Variants in SBF2 observed in about 807,000 individuals in gnomAD.
The protein encoded by SBF2 is SET binding factor 2.
SBF2 carries 112 observed loss-of-function variants against 225.2 expected under a neutral mutation model. The observed-to-expected ratio is 0.50, with a 90% CI of 0.43 to 0.58. SBF2 has a LOEUF of 0.58. Among genes scored for constraint, SBF2 ranks in the 20% least tolerant of loss-of-function variants. The pLI is 0.00. For missense variants in SBF2, 1,996 were observed against 2,206.2 expected, an observed-to-expected ratio of 0.90 and a Z score of 1.91; for synonymous variants, 763 against 773.3, an observed-to-expected ratio of 0.99 and a Z score of 0.22.
chr11:9,867,434 G>A (rs555843724), intron 17 of SBF2, among the ~76,000 whole-genome samples: 13 of 152,310 alleles, frequency 8.5e-5, no homozygotes, highest in Non-Finnish European at 1.8e-4. Context: ...CTTGTACACT[G>A]CTGATGGGAA....
chr11:9,965,902 T>C (rs1866877053), intron 14 of SBF2, among the ~76,000 whole-genome samples: 1 of 152,196 alleles, frequency 6.6e-6, no homozygotes, highest in African/African-American at 2.4e-5. Flanking sequence ...CACACATAGG[T>C]TGGTGGCATT....
intron 33 of SBF2, among the ~76,000 whole-genome samples, chr11:9,793,418 C>T (rs191270728): frequency 3.3e-5 from 5 of 152,010 alleles, no homozygotes; most frequent in Non-Finnish European, 7.4e-5. Flanking sequence ...GAGACAGGGT[C>T]TCACTCTGTC....
At chr11:10,085,494 T>C (rs557339196) in intron 2 of SBF2, among the ~76,000 whole-genome samples, 79 of 152,340 alleles carry the variant, frequency 5.2e-4, no homozygotes, top group African/African-American at 1.2e-3. Flanking sequence ...AAGTTTCTAA[T>C]TGGATTCTCT....
intron 13 of SBF2, among the ~76,000 whole-genome samples, chr11:9,988,843 G>A (rs1947300550): frequency 6.6e-6 from 1 of 152,146 alleles, no homozygotes; most frequent in South Asian, 2.1e-4. Context: ...AAATGATGTG[G>A]AGATTCCTTA....
intron 17 of SBF2, among the ~76,000 whole-genome samples, chr11:9,871,058 A>G (rs1310489371): frequency 6.6e-6 from 1 of 152,158 alleles, no homozygotes; most frequent in Non-Finnish European, 1.5e-5. Context: ...GAGAAAATCT[A>G]GGCAATACTT....
chr11:9,805,266 T>C (rs1280067912), intron 32 of SBF2, among the ~76,000 whole-genome samples: 2 of 151,272 alleles, frequency 1.3e-5, no homozygotes, highest in African/African-American at 4.9e-5. Flanking sequence ...AAAAATTATA[T>C]ACATGGAATC....
chr11:10,076,248 C>T (rs1350806536), intron 2 of SBF2, among the ~76,000 whole-genome samples: 1 of 152,140 alleles, frequency 6.6e-6, no homozygotes, highest in African/African-American at 2.4e-5. Flanking sequence ...AACAGGGAGA[C>T]TGTAAGAAGG....
intron 2 of SBF2, among the ~76,000 whole-genome samples, chr11:10,082,618 C>A (rs991387865): frequency 8.6e-5 from 13 of 151,900 alleles, no homozygotes; most frequent in African/African-American, 3.1e-4. Flanking sequence ...TAGATAAACA[C>A]AATTAAAAAC....
chr11:9,927,699 A>T (rs1864161068), intron 16 of SBF2, among the ~76,000 whole-genome samples: 1 of 152,218 alleles, frequency 6.6e-6, no homozygotes, highest in Admixed American at 6.5e-5. Context: ...ACCTTAAAAG[A>T]TACGGAAAAA....
chr11:9,919,033 C>A (rs1863360904), intron 16 of SBF2, among the ~76,000 whole-genome samples: 1 of 152,122 alleles, frequency 6.6e-6, no homozygotes, highest in Non-Finnish European at 1.5e-5. Flanking sequence ...TGAGCCACTG[C>A]ATCTGGCTTT....
rs556186976 is a variant in SBF2 at position 10,223,472 on chromosome 11, A to G, written c.56-29485T>C. Among the ~76,000 whole-genome samples, 21 of 141,854 alleles carry G rather than the reference A, an allele frequency of 1.5e-4. No homozygotes were observed. In the East Asian group the frequency reaches 4.0e-3, roughly 27 times the overall value. 93.1% of individuals were successfully genotyped at this position (141,854 alleles called of 152,430 possible). On this transcript the variant is annotated intron_variant, in intron 1 of 39. Coordinates refer to ENST00000256190, the MANE Select transcript of SBF2 (RefSeq NM_030962.4). ...TTCTTACAATAAAGTAAGCTACAGA[A>G]AAGAAAACGTTTTAAAATCATAAGG...
chr11:10,224,337 T>C (rs965943920), intron 1 of SBF2, among the ~76,000 whole-genome samples: 5 of 152,150 alleles, frequency 3.3e-5, no homozygotes, highest in African/African-American at 1.2e-4. Context: ...GCTTTTACAC[T>C]AGATCCAGCC....
chr11:9,983,994 C>A (rs1236353022), intron 13 of SBF2, among the ~76,000 whole-genome samples: 1 of 152,166 alleles, frequency 6.6e-6, no homozygotes, highest in Non-Finnish European at 1.5e-5. Flanking sequence ...AGAAAACCAA[C>A]CCTGGTAATA....
intron 1 of SBF2, among the ~76,000 whole-genome samples, chr11:10,285,720 T>A (rs768674127): frequency 3.7e-4 from 56 of 152,190 alleles, no homozygotes; most frequent in Non-Finnish European, 6.0e-4. Flanking sequence ...TCAAGCCCAT[T>A]CCCACCCTGT....
chr11:9,993,250 GA>G (rs1565105402), intron 10 of SBF2, 147 bp from the exon 11 acceptor site: 1 of 640,190 alleles, frequency 1.6e-6, no homozygotes, highest in Non-Finnish European at 2.7e-6. Flanking sequence ...AACATAAGAA[GA>G]AAAAACTCTC....
Position 9,917,222 on chromosome 11 carries a change from T to C in SBF2, c.1861-21211A>G, listed in dbSNP as rs1406199920. On this transcript the variant is annotated intron_variant, in intron 16 of 39. Transcript: ENST00000256190. ...TCATTTTCTTCCTAATTGCAGATCA[T>C]ATATTTATTTATATAATTTATCTTT... Among the ~76,000 whole-genome samples, 3 of 151,830 alleles carry C rather than the reference T, an allele frequency of 2.0e-5. 1 individual carries two copies. Among genetic ancestry groups the C allele is most frequent in the African/African-American group, 4.9e-5 (2 of 41,114 alleles).
intron 1 of SBF2, among the ~76,000 whole-genome samples, chr11:10,270,853 A>G (rs1962419268): frequency 6.6e-6 from 1 of 151,972 alleles, no homozygotes; most frequent in Non-Finnish European, 1.5e-5. Flanking sequence ...AAGTTAGCCA[A>G]GCCTGGTGGC....
At chr11:10,275,264 T>C (rs370685030) in intron 1 of SBF2, among the ~76,000 whole-genome samples, 9 of 152,190 alleles carry the variant, frequency 5.9e-5, no homozygotes, top group African/African-American at 2.2e-4. Context: ...CTGGTTCCTT[T>C]GAGAGCCAGA....
At chr11:10,152,466 T>C (rs1390208096) in intron 2 of SBF2, among the ~76,000 whole-genome samples, 1 of 151,870 alleles carries the variant, frequency 6.6e-6, no homozygotes, top group Non-Finnish European at 1.5e-5. Context: ...GGAGAATCGC[T>C]TGAACCTGGG....
Sources: allele counts gnomAD v4.1 joint callset (sites outside exome capture counted in the v4.1 genomes callset), GRCh38; gene constraint gnomAD v4.1.1; transcripts MANE v1.5; gene names NCBI Gene and HGNC (gene_info 2026-07-23, HGNC 2026-07-21).